Variants in RPSA2 observed in about 807,000 individuals in gnomAD.
RPSA2 encodes small ribosomal subunit protein uS2B.
the RPSA2 span, among the ~76,000 whole-genome samples, chr19:23,802,361 C>T: frequency 6.6e-6 from 1 of 152,112 alleles, no homozygotes; most frequent in Non-Finnish European, 1.5e-5. Flanking sequence ...ACAGGAGATC[C>T]AGGTTCTGGA....
chr19:23,780,938 A>G, the RPSA2 span, among the ~76,000 whole-genome samples: 3 of 152,176 alleles, frequency 2.0e-5, no homozygotes, highest in Non-Finnish European at 4.4e-5. Context: ...GTTGAATTGG[A>G]AAATTGACTC....
chr19:23,844,553 TTTGAG>T, the RPSA2 span, among the ~76,000 whole-genome samples: 3 of 152,146 alleles, frequency 2.0e-5, no homozygotes, highest in African/African-American at 7.2e-5. Flanking sequence ...ATGCTTTTAG[TTTGAG>T]TTATTTGTAA....
chr19:23,774,566 T>A, the RPSA2 span, among the ~76,000 whole-genome samples: 3 of 152,086 alleles, frequency 2.0e-5, no homozygotes, highest in Non-Finnish European at 4.4e-5. Flanking sequence ...GTAACATGAG[T>A]CTCCTGTATG....
the RPSA2 span, among the ~76,000 whole-genome samples, chr19:23,815,392 T>TTGGCACCATCCTCTC: frequency 2.6e-3 from 1 of 384 alleles, no homozygotes; most frequent in Non-Finnish European, 0.02. Flanking sequence ...CATAAATAGC[T>TTGGCACCATCCTCTC]GGTAATCAAA....
At chr19:23,834,371 T>C in the RPSA2 span, among the ~76,000 whole-genome samples, 1 of 152,026 alleles carries the variant, frequency 6.6e-6, no homozygotes, top group Non-Finnish European at 1.5e-5. Flanking sequence ...TAATTGTTGC[T>C]GGACAAAATA....
chr19:23,851,771 G>A, the RPSA2 span, among the ~76,000 whole-genome samples: 1 of 152,266 alleles, frequency 6.6e-6, no homozygotes, highest in Non-Finnish European at 1.5e-5. Flanking sequence ...GGAATGGGCT[G>A]ATCTTTGGTC....
chr19:23,847,831 T>C, the RPSA2 span, among the ~76,000 whole-genome samples: 15 of 152,132 alleles, frequency 9.9e-5, no homozygotes, highest in Non-Finnish European at 7.3e-5. Flanking sequence ...GCAATTCTTT[T>C]CCCAGAGTAT....
chr19:23,788,024 A>G, the RPSA2 span, among the ~76,000 whole-genome samples: 1 of 152,340 alleles, frequency 6.6e-6, no homozygotes, highest in East Asian at 1.9e-4. Context: ...GGCACAGCCC[A>G]CAGGGTTGTG....
chr19:23,761,147 G>A, the RPSA2 span, among the ~76,000 whole-genome samples: 252 of 151,194 alleles, frequency 1.7e-3, 1 homozygote, highest in African/African-American at 5.8e-3. Flanking sequence ...AAGTGTAGTG[G>A]CTGAATGATG....
At chr19:23,798,588 TAC>T in the RPSA2 span, among the ~76,000 whole-genome samples, 16 of 152,110 alleles carry the variant, frequency 1.1e-4, no homozygotes, top group South Asian at 6.2e-4. Flanking sequence ...TCAATTGAAA[TAC>T]AGTTACAGAA....
chr19:23,842,830 A>C, the RPSA2 span, among the ~76,000 whole-genome samples: 18 of 152,334 alleles, frequency 1.2e-4, no homozygotes, highest in South Asian at 3.5e-3. Context: ...GAAAATCTTC[A>C]AGATGTTTTA....
At chr19:23,839,254 C>T in the RPSA2 span, among the ~76,000 whole-genome samples, 2 of 152,150 alleles carry the variant, frequency 1.3e-5, no homozygotes, top group African/African-American at 4.8e-5. Context: ...TTGAAGGTTC[C>T]TTTGGGAGTT....
At chr19:23,796,866 A>AT in the RPSA2 span, among the ~76,000 whole-genome samples, 146,468 of 148,232 alleles carry the variant, frequency 0.99, 72,379 homozygotes, top group South Asian at 1. Context: ...TATTTATCTT[A>AT]TTTTTTTTTT....
the RPSA2 span, among the ~76,000 whole-genome samples, chr19:23,802,682 T>C: frequency 1.2e-5 from 1 of 86,356 alleles, no homozygotes; most frequent in Non-Finnish European, 2.4e-5. Context: ...GGAGGAGGTC[T>C]GGAGACTCAA....
chr19:23,858,056 G>A, the RPSA2 span, among the ~76,000 whole-genome samples: 1 of 151,420 alleles, frequency 6.6e-6, no homozygotes, highest in Admixed American at 6.6e-5. Flanking sequence ...GCTTTACTTT[G>A]GGGTTTGTGC....
chr19:23,852,701 G>A, the RPSA2 span, among the ~76,000 whole-genome samples: 1 of 152,172 alleles, frequency 6.6e-6, no homozygotes, highest in Non-Finnish European at 1.5e-5. Context: ...GGCCATTATG[G>A]ACATGTTATA....
At chr19:23,832,301 A>G in the RPSA2 span, 1 of 465,126 alleles carries the variant, frequency 2.1e-6, no homozygotes, top group Non-Finnish European at 4.4e-6. Context: ...AGAGGGAAAC[A>G]TTACAAGTGT....
the RPSA2 span, among the ~76,000 whole-genome samples, chr19:23,853,000 G>A: frequency 2.7e-4 from 41 of 152,294 alleles, 1 homozygote; most frequent in East Asian, 7.7e-3. Context: ...AGTGGGGTCA[G>A]CAATTAATAT....
the RPSA2 span, among the ~76,000 whole-genome samples, chr19:23,837,501 G>A: frequency 6.6e-6 from 1 of 152,112 alleles, no homozygotes; most frequent in African/African-American, 2.4e-5. Context: ...TGTGAAGAAT[G>A]TTGGTGGTAT....
Sources: gnomAD v4.1 joint callset for allele counts (sites outside exome capture counted in the v4.1 genomes callset) on GRCh38, gnomAD v4.1.1 for gene constraint, MANE v1.5 for transcripts, NCBI Gene and HGNC (gene_info 2026-07-23, HGNC 2026-07-21) for gene names.